Variants in ACTR1A observed in about 807,000 individuals in gnomAD.
ACTR1A encodes the protein alpha-centractin.
A neutral mutation model predicts 50.7 loss-of-function variants in ACTR1A; 10 were observed. The ratio of observed to expected loss-of-function variants is 0.20; its 90% CI spans 0.12 to 0.33. ACTR1A has a LOEUF of 0.33. Among genes scored for constraint, ACTR1A ranks in the 10% least tolerant of loss-of-function variants. The probability of loss-of-function intolerance (pLI) is 1.00; values close to 1 mark genes in which losing one functional copy is unlikely to be tolerated. For missense variants in ACTR1A, 253 were observed against 491.7 expected (o/e 0.51, Z 4.59); for synonymous variants, 177 against 184.2 (o/e 0.96, Z 0.32).
chr10:102,480,741 A>G lies in ACTR1A; in HGVS notation c.*122T>C, dbSNP rs12162. The G allele has an allele frequency of 0.34, 285,692 of 832,722 alleles. 49,845 individuals carry two copies. Among genetic ancestry groups the G allele is most frequent in the Admixed American group, 0.4 (21,636 of 54,054 alleles). The allele number at this position is 832,722 out of a possible 1,614,324, so 51.6% of individuals were successfully genotyped here. The stretch of plus-strand genomic sequence containing the variant: ...AGGGCCACACGGCACTCGCATGTGC[A>G]CACACACTCATATCCACACACGCAC... On this transcript the variant is annotated 3_prime_UTR_variant, in exon 11 of 11. Coordinates refer to ENST00000369905, the MANE Select transcript of ACTR1A (RefSeq NM_005736.4).
chr10:102,484,253 C>T lies in ACTR1A; in HGVS notation c.564G>A (p.Arg188=). ...AGAGGCGCAGGAAGCGAGAGACGTC[C>T]CGGCCCGCGATGTCGATGCGCATGA... ...HSIMRIDIAG[R]DVSRFLRLYL... is the part of the protein sequence containing the mutation. The change falls in exon 6 of 11, where the codon CGG becomes CGA. Residue 188 remains arginine, a synonymous_variant. Coordinates refer to ENST00000369905, the MANE Select transcript of ACTR1A (RefSeq NM_005736.4). 6.2e-7 allele frequency: 1 copy of T among 1,614,198 alleles called. No individual in the cohort carries two copies. Among genetic ancestry groups the T allele is most frequent in the Non-Finnish European group, 8.5e-7 (1 of 1,180,034 alleles).
intron 1 of ACTR1A, among the ~76,000 whole-genome samples, chr10:102,495,972 G>T (rs1383520238): frequency 7.5e-6 from 1 of 133,614 alleles, no homozygotes; most frequent in African/African-American, 2.8e-5. Flanking sequence ...TTGAGACGCA[G>T]TCTCGCTCTG....
chr10:102,485,961 C>G (rs371986814), intron 4 of ACTR1A, among the ~76,000 whole-genome samples: 1 of 152,192 alleles, frequency 6.6e-6, no homozygotes, highest in African/African-American at 2.4e-5. Flanking sequence ...GCTGTGCCCC[C>G]CAACTCCCCT....
In ACTR1A at chr10:102,485,737, G is replaced by A; in HGVS notation, c.316-4C>T. On this transcript the variant is annotated splice_polypyrimidine_tract_variant and splice_region_variant and intron_variant, in intron 4 of 10. Coordinates refer to ENST00000369905, the MANE Select transcript of ACTR1A (RefSeq NM_005736.4). ...CCTCAGTCAGGAGCACAGGATGCTG[G>A]TGAAAGGAGCCCGGGAGACAATGAG... 1 of 1,613,938 alleles carries A rather than the reference G, an allele frequency of 6.2e-7. No homozygotes were observed. The highest frequency in any genetic ancestry group is 8.5e-7 in the Non-Finnish European group (1 of 1,179,988).
intron 1 of ACTR1A, among the ~76,000 whole-genome samples, chr10:102,498,543 G>A (rs2062233111): frequency 6.6e-6 from 1 of 151,890 alleles, no homozygotes; most frequent in South Asian, 2.1e-4. Flanking sequence ...GGAGTGAGGT[G>A]CACGATCTCA....
chr10:102,484,660 A>G (rs2062158344), intron 5 of ACTR1A, among the ~76,000 whole-genome samples: 1 of 152,314 alleles, frequency 6.6e-6, no homozygotes, highest in East Asian at 1.9e-4. Context: ...GACCCAGCCT[A>G]GGGGCCAGTT....
rs967052173 is a variant in ACTR1A, at chr10:102,484,262, G to A, written c.555C>T (p.Ile185=). 8.1e-6 allele frequency: 13 copies of A among 1,614,082 alleles called. No individual in the cohort carries two copies. Among genetic ancestry groups the A allele is most frequent in the Admixed American group, 5.0e-5 (3 of 60,010 alleles). ...GGAAGCGAGAGACGTCCCGGCCCGC[G>A]ATGTCGATGCGCATGATGGAGTGGG... ...AMPHSIMRID[I]AGRDVSRFLR... Residue 185 remains isoleucine, a synonymous_variant, in exon 6 of 11, where the codon ATC becomes ATT. Transcript: ENST00000369905.
Position 102,479,260 on chromosome 10 carries a change from T to C in ACTR1A, c.*1603A>G. 8.6e-6 allele frequency: 5 copies of C among 579,536 alleles called. No homozygotes were observed. The highest frequency in any genetic ancestry group is 1.1e-5 in the Non-Finnish European group (4 of 359,484). The allele number at this position is 579,536 out of a possible 1,614,324, so 35.9% of individuals were successfully genotyped here. A position where few individuals can be genotyped will look rare whatever the true frequency, so the allele number is the denominator to read the frequency against. On this transcript the variant is annotated 3_prime_UTR_variant, in exon 11 of 11. Transcript: ENST00000369905. This position sits in a 1 kb window ranked among gnomAD's most constrained non-coding sequence, Gnocchi z 4.0. ...GTCTATCGGAACGACTTTATTTCAGTACACTGGGCCCCACCAGGCAATGTG... is the reference window on the plus strand; with the variant it reads ...GTCTATCGGAACGACTTTATTTCAGCACACTGGGCCCCACCAGGCAATGTG...
Position 102,485,510 on chromosome 10 carries a change from G to A in ACTR1A, c.440+99C>T, listed in dbSNP as rs2062163357. ...TCTTTAACCTTTCCCTAGCAGAGGG[G>A]GCTCAAGTTACTCTGAACCATTCCA... is the stretch of plus-strand genomic sequence containing the variant. On this transcript the variant is annotated intron_variant, in intron 5 of 10. Coordinates refer to ENST00000369905, the MANE Select transcript of ACTR1A (RefSeq NM_005736.4). 7 of 1,511,110 alleles carry A rather than the reference G, an allele frequency of 4.6e-6. No individual in the cohort carries two copies. The South Asian group carries it at 8.1e-5, about 18-fold the overall frequency. 93.6% of individuals were successfully genotyped at this position (1,511,110 alleles called of 1,614,324 possible).
rs2062147137 is a variant in ACTR1A, at chr10:102,482,284, G to A, written c.751-109C>T. On this transcript the variant is annotated intron_variant, in intron 7 of 10. Coordinates refer to ENST00000369905, the MANE Select transcript of ACTR1A (RefSeq NM_005736.4). This position sits in a 1 kb window ranked among gnomAD's most constrained non-coding sequence, Gnocchi z 5.6. The stretch of plus-strand genomic sequence containing the variant: ...CGTCACTTAGTAACTGGGTGGCTAT[G>A]AAGGCCAGGCTCAAGACAGACTCTA... 9 of 1,072,656 alleles carry A rather than the reference G, an allele frequency of 8.4e-6. No individual in the cohort carries two copies. The highest frequency in any genetic ancestry group is 6.0e-5 in the Admixed American group (3 of 50,050). The allele number at this position is 1,072,656 out of a possible 1,614,324, so 66.4% of individuals were successfully genotyped here. A position where few individuals can be genotyped will look rare whatever the true frequency, so the allele number is the denominator to read the frequency against.
At chr10:102,493,140 C>G (rs899443769) in intron 1 of ACTR1A, among the ~76,000 whole-genome samples, 3 of 151,744 alleles carry the variant, frequency 2.0e-5, no homozygotes, top group Non-Finnish European at 4.4e-5. Flanking sequence ...AATGTGCAAA[C>G]TCATTGGACT....
rs2062146850 is a variant in ACTR1A, at chr10:102,482,242, G to A, written c.751-67C>T. ...CAAGGTCCCTTTGGGAGTGGGAATG[G>A]AAGACGCCCCTCTGCACGTCACTTA... On this transcript the variant is annotated intron_variant, in intron 7 of 10. Transcript: ENST00000369905. The surrounding 1 kb of genome is among the most constrained non-coding windows in gnomAD (Gnocchi z 5.6). 6.7e-7 allele frequency: 1 copy of A among 1,498,296 alleles called. No individual in the cohort carries two copies. The highest frequency in any genetic ancestry group is 1.7e-5 in the Admixed American group (1 of 58,220). 92.8% of individuals were successfully genotyped at this position (1,498,296 alleles called of 1,614,324 possible). A position where few individuals can be genotyped will look rare whatever the true frequency, so the allele number is the denominator to read the frequency against.
chr10:102,486,598 C>T (rs954331729), intron 4 of ACTR1A, among the ~76,000 whole-genome samples: 6 of 152,058 alleles, frequency 3.9e-5, no homozygotes, highest in Admixed American at 3.9e-4. Flanking sequence ...AAGGCTCAGG[C>T]AGGAGAATCG....
intron 6 of ACTR1A, among the ~76,000 whole-genome samples, chr10:102,483,838 C>T (rs2062154501): frequency 6.6e-6 from 1 of 152,164 alleles, no homozygotes. Flanking sequence ...GAGCGAGACT[C>T]CATCTCAGAA....
chr10:102,501,025 C>T (rs2062248362), intron 1 of ACTR1A, among the ~76,000 whole-genome samples: 1 of 150,844 alleles, frequency 6.6e-6, no homozygotes, highest in African/African-American at 2.4e-5. Flanking sequence ...GAGCTGTGAT[C>T]GCGCCACTGC....
intron 1 of ACTR1A, among the ~76,000 whole-genome samples, chr10:102,491,932 A>ATTTTTTTT (rs558164702): frequency 7.4e-6 from 1 of 134,538 alleles, no homozygotes; most frequent in Non-Finnish European, 1.6e-5. Flanking sequence ...TGCCTGGCTA[A>ATTTTTTTT]TTTTTTTTTT....
intron 2 of ACTR1A, among the ~76,000 whole-genome samples, 155 bp from the exon 3 acceptor site, chr10:102,489,293 A>G (rs537501429): frequency 6.6e-6 from 1 of 152,204 alleles, no homozygotes; most frequent in East Asian, 1.9e-4. Context: ...ACTTTTCTGT[A>G]TTTTCCACAA....
rs1169790768 is a variant in ACTR1A, at chr10:102,479,943, A to G, written c.*920T>C. ...AGCTTCCAATCTCAAATGGTCCTGG[A>G]ACCTGTGGACACTGTCAGCTCACCA... is the stretch of plus-strand genomic sequence containing the variant. On this transcript the variant is annotated 3_prime_UTR_variant, in exon 11 of 11. Coordinates refer to ENST00000369905, the MANE Select transcript of ACTR1A (RefSeq NM_005736.4). This position sits in a 1 kb window ranked among gnomAD's most constrained non-coding sequence, Gnocchi z 4.0. The G allele has an allele frequency of 7.0e-6, 2 of 283,942 alleles. No individual in the cohort carries two copies. The highest frequency in any genetic ancestry group is 1.4e-5 in the Non-Finnish European group (2 of 140,156). The allele number at this position is 283,942 out of a possible 1,614,324, so 17.6% of individuals were successfully genotyped here.
In ACTR1A at chr10:102,489,074, G is replaced by T; in HGVS notation, c.178C>A (p.Pro60Thr). The T allele has an allele frequency of 6.3e-7, 1 of 1,582,146 alleles. No homozygotes were observed. Among genetic ancestry groups the T allele is most frequent in the Non-Finnish European group, 8.6e-7 (1 of 1,164,010 alleles). The change falls in exon 3 of 11, where the codon CCC (proline) becomes ACC (threonine). Residue 60 changes from proline (P) to threonine (T), a missense_variant. By Grantham distance (38) the Pro-to-Thr change is conservative. Around this residue, in one of 4 missense-constraint regions of ACTR1A, gnomAD observed 96 missense variants for 238.7 expected, o/e 0.40. Transcript: ENST00000369905. Reference sequence around the variant, plus strand: ...GGCCTGGGAATTACCTCAGCTTTGGGGCCAATGAAGATGTCGCCTTCAAGG... The same window carrying T: ...GGCCTGGGAATTACCTCAGCTTTGGTGCCAATGAAGATGTCGCCTTCAAGG... The part of the protein sequence containing the change: ...GALEGDIFIG[P>T]KAEEHRGLLS...
Sources: allele counts gnomAD v4.1 joint callset (sites outside exome capture counted in the v4.1 genomes callset), GRCh38; gene constraint gnomAD v4.1.1; regional missense constraint gnomAD v4.1.1; non-coding constraint Gnocchi (gnomAD v3.1); transcripts MANE v1.5; gene names NCBI Gene and HGNC (gene_info 2026-07-23, HGNC 2026-07-21).